The following STK3 variants were observed in gnomAD, a reference collection of about 807,000 sequenced individuals.
The protein encoded by STK3 is serine/threonine kinase 3.
STK3 carries 41 observed loss-of-function variants against 58.0 expected under a neutral mutation model. That is an observed-to-expected ratio of 0.71 (90% CI 0.55 to 0.92). STK3 has a LOEUF of 0.92. Ranked by LOEUF, STK3 falls within the 40% of genes least tolerant of loss-of-function variation. The pLI is 0.00. For missense variants in STK3, 479 were observed against 602.7 expected (o/e 0.79, Z 2.15); for synonymous variants, 170 against 191.0 (o/e 0.89, Z 0.91).
At chr8:98,510,663 C>A (rs1460482936) in intron 10 of STK3, among the ~76,000 whole-genome samples, 1 of 151,800 alleles carries the variant, frequency 6.6e-6, no homozygotes, top group Non-Finnish European at 1.5e-5. Context: ...TTAAAAATTT[C>A]TCTTATAAAT....
At chr8:98,634,343 T>C (rs914621393) in intron 6 of STK3, among the ~76,000 whole-genome samples, 2 of 151,780 alleles carry the variant, frequency 1.3e-5, no homozygotes, top group African/African-American at 2.4e-5. Context: ...TATATATATA[T>C]ACAAAAATTA....
At chr8:98,686,322 A>T (rs998719214) in intron 6 of STK3, among the ~76,000 whole-genome samples, 1 of 152,226 alleles carries the variant, frequency 6.6e-6, no homozygotes, top group African/African-American at 2.4e-5. Context: ...GAGAAGAGAT[A>T]CTGTCCAACT....
rs1036493129 is a variant in STK3, at chr8:98,548,226, C to T, written c.949-65G>A. The stretch of plus-strand genomic sequence containing the variant: ...GACAGCTGGATTTCTTAATTCTTAA[C>T]AAGAGAATGAATATATTATAGTTTT... On this transcript the variant is annotated intron_variant, in intron 8 of 10. Transcript: ENST00000419617. The T allele has an allele frequency of 3.2e-6, 4 of 1,250,012 alleles. No individual in the cohort carries two copies. In the African/African-American group the frequency reaches 4.7e-5, roughly 15 times the overall value. 77.4% of individuals were successfully genotyped at this position (1,250,012 alleles called of 1,614,324 possible).
chr8:98,905,066 C>T (rs1319626313), intron 1 of STK3: 3 of 1,083,772 alleles, frequency 2.8e-6, no homozygotes, highest in Non-Finnish European at 2.8e-6. Context: ...TGGTGTAAGG[C>T]GTGTGAACTG....
At chr8:98,373,174 T>G (rs1335220773) in intron 2 of STK3, among the ~76,000 whole-genome samples, 2 of 152,156 alleles carry the variant, frequency 1.3e-5, no homozygotes, top group African/African-American at 4.8e-5. Flanking sequence ...GCAGTTATTA[T>G]TCTTGCTTTT....
At chr8:98,646,333 C>A (rs550507257) in intron 6 of STK3, among the ~76,000 whole-genome samples, 9 of 152,280 alleles carry the variant, frequency 5.9e-5, no homozygotes, top group African/African-American at 2.2e-4. Flanking sequence ...AGAAAACACC[C>A]AGTTTTCCTT....
At chr8:98,936,097 T>A (rs986475865) in intron 1 of STK3, among the ~76,000 whole-genome samples, 9 of 152,028 alleles carry the variant, frequency 5.9e-5, no homozygotes, top group Non-Finnish European at 1.5e-5. Flanking sequence ...TTTTTGCATT[T>A]TCAGTAGAGA....
chr8:98,739,131 G>C (rs1031474700), intron 4 of STK3, among the ~76,000 whole-genome samples: 1 of 152,268 alleles, frequency 6.6e-6, no homozygotes, highest in Non-Finnish European at 1.5e-5. Context: ...AAGGAGGCCT[G>C]CCTGCCTCTG....
intron 9 of STK3, among the ~76,000 whole-genome samples, chr8:98,539,521 T>C (rs1810053445): frequency 6.6e-6 from 1 of 152,124 alleles, no homozygotes; most frequent in African/African-American, 2.4e-5. Flanking sequence ...AAAGCAGAAC[T>C]TCATTTGCTT....
intron 3 of STK3, among the ~76,000 whole-genome samples, chr8:98,861,364 T>A (rs990161936): frequency 2.1e-5 from 3 of 144,368 alleles, no homozygotes; most frequent in Admixed American, 1.4e-4. Flanking sequence ...TTTTTTTTTT[T>A]TTTTTTTTAC....
chr8:98,485,604 A>G (rs1463721146), intron 10 of STK3, among the ~76,000 whole-genome samples: 1 of 152,242 alleles, frequency 6.6e-6, no homozygotes, highest in Admixed American at 6.5e-5. Context: ...TAAGATTTCA[A>G]CTAGCAACAC....
intron 3 of STK3, among the ~76,000 whole-genome samples, chr8:98,764,017 T>C (rs1830791660): frequency 6.6e-6 from 1 of 152,226 alleles, no homozygotes. Context: ...CATTTTAGGA[T>C]CTTTTAACCA....
intron 6 of STK3, among the ~76,000 whole-genome samples, chr8:98,668,898 T>C (rs1481512969): frequency 6.6e-5 from 10 of 152,070 alleles, no homozygotes; most frequent in Admixed American, 5.9e-4. Flanking sequence ...ATGAAATAAG[T>C]GTTTTCTGTA....
intron 10 of STK3, among the ~76,000 whole-genome samples, chr8:98,496,077 G>A (rs1010619469): frequency 2.6e-5 from 4 of 152,066 alleles, no homozygotes; most frequent in African/African-American, 9.7e-5. Flanking sequence ...TTAAAGATCT[G>A]ACCCCCAACT....
intron 4 of STK3, among the ~76,000 whole-genome samples, chr8:98,717,475 C>T (rs1827104764): frequency 6.6e-6 from 1 of 152,100 alleles, no homozygotes; most frequent in Admixed American, 6.5e-5. Context: ...TGAGATACCA[C>T]TTCACACCCA....
At chr8:98,738,561 C>T (rs964874285) in intron 4 of STK3, among the ~76,000 whole-genome samples, 9 of 152,158 alleles carry the variant, frequency 5.9e-5, no homozygotes, top group African/African-American at 2.2e-4. Context: ...GCATCCCAAA[C>T]ATCAAGCACG....
At chr8:98,415,141 G>A (rs1033930832) in intron 3 of STK3, among the ~76,000 whole-genome samples, 2 of 152,160 alleles carry the variant, frequency 1.3e-5, no homozygotes, top group Non-Finnish European at 1.5e-5. Context: ...AGGACACAAC[G>A]TCTCCACTTC....
At chr8:98,751,283 G>C (rs190243492) in intron 3 of STK3, among the ~76,000 whole-genome samples, 5 of 152,222 alleles carry the variant, frequency 3.3e-5, no homozygotes, top group Admixed American at 6.5e-5. Flanking sequence ...AGAAATAAAG[G>C]TCATCCAAAT....
At chr8:98,453,481 T>C (rs1209059351), downstream of STK3, among the ~76,000 whole-genome samples, 1 of 152,212 alleles carries the variant, frequency 6.6e-6, no homozygotes, top group African/African-American at 2.4e-5. Context: ...AATTTAAAAG[T>C]AGGTCATCCT....
Sources: allele counts gnomAD v4.1 joint callset (sites outside exome capture counted in the v4.1 genomes callset), GRCh38; gene constraint gnomAD v4.1.1; transcripts MANE v1.5; gene names NCBI Gene and HGNC (gene_info 2026-07-23, HGNC 2026-07-21).